The following RSBN1 variants were observed in gnomAD, a reference collection of about 807,000 sequenced individuals.
RSBN1 encodes the protein round spermatid basic protein 1.
A neutral mutation model predicts 74.8 loss-of-function variants in RSBN1; 23 were observed. That is an observed-to-expected ratio of 0.31 (90% CI 0.22 to 0.44). RSBN1 has a LOEUF of 0.44. RSBN1 is among the 20% of genes least tolerant of loss of function. The pLI, the probability that RSBN1 is intolerant of heterozygous loss-of-function variation, is 1.00. For missense variants in RSBN1, 808 were observed against 1,020.9 expected (o/e 0.79, Z 2.84); for synonymous variants, 407 against 379.6 (o/e 1.07, Z -0.84).
At chr1:113,782,104 TC>T (rs1160727251) in intron 2 of RSBN1, among the ~76,000 whole-genome samples, 1 of 152,150 alleles carries the variant, frequency 6.6e-6, no homozygotes, top group African/African-American at 2.4e-5. Flanking sequence ...TTTGCCACAT[TC>T]TCCACATTTG....
chr1:113,802,073 GCCTCCCA>G (rs1344096008), intron 1 of RSBN1, among the ~76,000 whole-genome samples: 1 of 151,726 alleles, frequency 6.6e-6, no homozygotes, highest in Non-Finnish European at 1.5e-5. Context: ...TCCCACCTCA[GCCTCCCA>G]AGTAGCTGGG....
intron 1 of RSBN1, among the ~76,000 whole-genome samples, chr1:113,804,224 A>G (rs76871274): frequency 1.3e-5 from 2 of 152,382 alleles, no homozygotes; most frequent in African/African-American, 2.4e-5. Context: ...GTGACACACA[A>G]TAAGTCTCTT....
intron 2 of RSBN1, among the ~76,000 whole-genome samples, chr1:113,789,477 T>C (rs759915213): frequency 2.0e-5 from 3 of 152,144 alleles, no homozygotes; most frequent in Non-Finnish European, 4.4e-5. Context: ...CCCATAAACA[T>C]AAGTATTTCC....
chr1:113,802,490 C>A (rs1434059926), intron 1 of RSBN1, among the ~76,000 whole-genome samples: 1 of 151,936 alleles, frequency 6.6e-6, no homozygotes, highest in Non-Finnish European at 1.5e-5. Context: ...TATATAAATA[C>A]CTGACTAAAA....
chr1:113,783,895 C>T (rs1660188897), intron 2 of RSBN1, among the ~76,000 whole-genome samples: 1 of 152,158 alleles, frequency 6.6e-6, no homozygotes. Flanking sequence ...CTAGCCACTG[C>T]ACATTGGTCC....
At chr1:113,785,613 GA>G (rs1660225958) in intron 2 of RSBN1, among the ~76,000 whole-genome samples, 1 of 152,208 alleles carries the variant, frequency 6.6e-6, no homozygotes, top group Non-Finnish European at 1.5e-5. Context: ...AGGAGAGGCA[GA>G]CACTAATCTA....
chr1:113,799,155 T>G (rs1010461053), intron 1 of RSBN1, among the ~76,000 whole-genome samples: 1 of 152,214 alleles, frequency 6.6e-6, no homozygotes, highest in African/African-American at 2.4e-5. Context: ...AACATTTAAG[T>G]ACCTACTAAG....
chr1:113,808,662 A>G (rs538984963), intron 1 of RSBN1, among the ~76,000 whole-genome samples: 1 of 152,346 alleles, frequency 6.6e-6, no homozygotes, highest in South Asian at 2.1e-4. Flanking sequence ...GCAATGAAAA[A>G]GAGGGATGGA....
chr1:113,768,426 A>T, intron 4 of RSBN1, 37 bp from the exon 5 acceptor site: 2 of 1,511,642 alleles, frequency 1.3e-6, no homozygotes, highest in Non-Finnish European at 1.8e-6. Flanking sequence ...AGGGTAAGCA[A>T]GGAAGAAAGA....
intron 1 of RSBN1, among the ~76,000 whole-genome samples, chr1:113,808,830 G>A (rs1660771028): frequency 6.6e-6 from 1 of 152,080 alleles, no homozygotes; most frequent in Non-Finnish European, 1.5e-5. Flanking sequence ...GGCTGTAAAG[G>A]GTTTGTGGTG....
intron 1 of RSBN1, among the ~76,000 whole-genome samples, chr1:113,805,006 G>A (rs766783677): frequency 5.9e-5 from 9 of 151,964 alleles, no homozygotes; most frequent in Non-Finnish European, 8.8e-5. Context: ...AGCCTATGGG[G>A]GCTGTCCTTC....
chr1:113,791,248 T>C (rs1660358418), intron 2 of RSBN1, among the ~76,000 whole-genome samples: 2 of 152,136 alleles, frequency 1.3e-5, no homozygotes, highest in Non-Finnish European at 2.9e-5. Context: ...AAAATAATAG[T>C]TTTGCATAAA....
At position 113,766,201 on chromosome 1, in the gene RSBN1, A is replaced by C. The variant is rs1659777908; in HGVS notation, c.2188T>G (p.Leu730Val). The C allele has an allele frequency of 6.2e-7, 1 of 1,613,972 alleles. No individual in the cohort carries two copies. The highest frequency in any genetic ancestry group is 8.5e-7 in the Non-Finnish European group (1 of 1,179,982). The change falls in exon 7 of 7, where the codon TTA becomes GTA. Residue 730 changes from leucine to valine, a missense_variant. Physicochemically the swap from Leu to Val is conservative, Grantham distance 32 (BLOSUM62 1). Transcript: ENST00000261441. ...CTCACACATTGGGAGTCAACTTCTA[A>C]TTCTCGCTTTCCAGTTAAACCACAG... is the stretch of plus-strand genomic sequence containing the variant. ...MDCGLTGKRE[L>V]EVDSQCVRIK...
chr1:113,785,837 A>T (rs372187770), intron 2 of RSBN1, among the ~76,000 whole-genome samples: 1 of 152,198 alleles, frequency 6.6e-6, no homozygotes, highest in East Asian at 1.9e-4. Flanking sequence ...ACAGAAAGCA[A>T]AAGAGAAAAA....
rs766929418 is a variant in RSBN1 at position 113,766,003 on chromosome 1, C to G, written c.2386G>C (p.Glu796Gln). Residue 796 changes from glutamate to glutamine, a missense_variant, in exon 7 of 7, where the codon GAA becomes CAA. Coordinates refer to ENST00000261441, the MANE Select transcript of RSBN1 (RefSeq NM_018364.5). The stretch of plus-strand genomic sequence containing the variant: ...TATCACACAGAAGTGGTTGAATGTT[C>G]TTGCAGATTGTGTTGCTGGTCAGAG... ...LDSDQQHNLQ[E>Q]HSTTSV 3.1e-6 allele frequency: 5 copies of G among 1,612,986 alleles called. No individual in the cohort carries two copies. The East Asian group carries it at 1.1e-4, about 36-fold the overall frequency.
At chr1:113,799,012 T>C (rs1270717735) in intron 1 of RSBN1, among the ~76,000 whole-genome samples, 1 of 152,188 alleles carries the variant, frequency 6.6e-6, no homozygotes, top group Non-Finnish European at 1.5e-5. Flanking sequence ...TCTGTGTTAT[T>C]AACATTTCAT....
intron 2 of RSBN1, among the ~76,000 whole-genome samples, chr1:113,781,224 T>C (rs921681203): frequency 2.6e-5 from 4 of 152,182 alleles, no homozygotes; most frequent in Non-Finnish European, 4.4e-5. Context: ...AAGATATATA[T>C]ACCTTTTTCA....
rs59928174 is a variant in RSBN1 at position 113,807,800 on chromosome 1, TACACACACACACAC to T, written c.703+3896_703+3909del. ...ATATATATATATATATGTATATGTA[TACACACACACACAC>T]ACACACACACACAAAATTCAATTAG... On this transcript the variant is annotated intron_variant, in intron 1 of 6. Transcript: ENST00000261441. Among the ~76,000 whole-genome samples the T allele has an allele frequency of 1.1e-4, 16 of 144,668 alleles. 1 individual carries two copies. In the South Asian group the frequency reaches 3.5e-3, roughly 31 times the overall value. 94.9% of individuals were successfully genotyped at this position (144,668 alleles called of 152,430 possible). A position where few individuals can be genotyped will look rare whatever the true frequency, so the allele number is the denominator to read the frequency against.
chr1:113,807,399 T>G (rs1160794348), intron 1 of RSBN1, among the ~76,000 whole-genome samples: 2 of 150,650 alleles, frequency 1.3e-5, no homozygotes, highest in African/African-American at 4.9e-5. Context: ...AGAAAATATG[T>G]GCAAACCATA....
Sources: gnomAD v4.1 joint callset for allele counts (sites outside exome capture counted in the v4.1 genomes callset) on GRCh38, gnomAD v4.1.1 for gene constraint, MANE v1.5 for transcripts, NCBI Gene and HGNC (gene_info 2026-07-23, HGNC 2026-07-21) for gene names.